The following CARNMT1 variants were observed in gnomAD, a reference collection of about 807,000 sequenced individuals.
The protein encoded by CARNMT1 is carnosine N-methyltransferase 1, also known as protein-L-histidine N-pros-methyltransferase CARNMT1.
CARNMT1 carries 28 observed loss-of-function variants against 49.6 expected under a neutral mutation model. That is an observed-to-expected ratio of 0.56 (90% CI 0.42 to 0.77). The LOEUF (loss-of-function observed/expected upper bound fraction) is 0.77, where lower values mean the gene tolerates loss of function less well. Ranked by LOEUF, CARNMT1 falls within the 30% of genes least tolerant of loss-of-function variation. The pLI, the probability that CARNMT1 is intolerant of heterozygous loss-of-function variation, is 0.00. For missense variants in CARNMT1, 421 were observed against 512.6 expected (o/e 0.82, Z 1.73); for synonymous variants, 178 against 175.0 (o/e 1.02, Z -0.13).
At chr9:75,023,892 TGAAGGAG>T (rs1178460979) in intron 1 of CARNMT1, among the ~76,000 whole-genome samples, 1 of 152,226 alleles carries the variant, frequency 6.6e-6, no homozygotes, top group Non-Finnish European at 1.5e-5. Flanking sequence ...AAACCTGCTT[TGAAGGAG>T]TATTTTACAA....
chr9:75,002,860 C>T (rs1174951908), intron 3 of CARNMT1, among the ~76,000 whole-genome samples: 1 of 152,088 alleles, frequency 6.6e-6, no homozygotes, highest in Non-Finnish European at 1.5e-5. Flanking sequence ...CCTGCCTCAG[C>T]CTCCCAAGTG....
rs1227422397 is a variant in CARNMT1 at position 74,982,792 on chromosome 9, G to A, written c.*975C>T. 2.0e-5 allele frequency: 3 copies of A among 151,906 alleles called. No homozygotes were observed. Among genetic ancestry groups the A allele is most frequent in the Non-Finnish European group, 4.4e-5 (3 of 67,986 alleles). The allele number at this position is 151,906 out of a possible 1,614,324, so 9.4% of individuals were successfully genotyped here. ...TCTGAAAATCACATATTTCAAATGG[G>A]TAAATTTTATTCTTATTTTCTCTGT... On this transcript the variant is annotated 3_prime_UTR_variant, in exon 8 of 8. Transcript: ENST00000376834.
At chr9:74,995,797 T>A (rs557383333) in intron 6 of CARNMT1, among the ~76,000 whole-genome samples, 5 of 152,192 alleles carry the variant, frequency 3.3e-5, no homozygotes, top group Admixed American at 2.6e-4. Context: ...CACGAAAGAA[T>A]ACATGTATAT....
chr9:75,016,369 T>A lies in CARNMT1; in HGVS notation c.489A>T (p.Lys163Asn). The change falls in exon 3 of 8, where the codon AAA (lysine) becomes AAT (asparagine). Residue 163 changes from lysine to asparagine, a missense_variant. By Grantham distance (94) the Lys-to-Asn change is moderately conservative. Transcript: ENST00000376834. ...TTTCACTCCAGTCTCTCACAAACTG[T>A]TTCAGCGTGGATTTTAACTTATCCA... is the stretch of plus-strand genomic sequence containing the variant. Reference protein sequence around the residue: ...FDMDKLKSTLKQFVRDWSETG... With the variant: ...FDMDKLKSTLNQFVRDWSETG... 6.2e-7 allele frequency: 1 copy of A among 1,614,060 alleles called. No homozygotes were observed. Among genetic ancestry groups the A allele is most frequent in the Non-Finnish European group, 8.5e-7 (1 of 1,179,960 alleles).
intron 2 of CARNMT1, chr9:75,016,887 A>G (rs1833872685): frequency 3.3e-6 from 1 of 306,478 alleles, no homozygotes; most frequent in Non-Finnish European, 5.9e-6. Flanking sequence ...TTCTTACAAT[A>G]AAAGATGAAC....
At chr9:74,996,698 C>G (rs556959201) in intron 5 of CARNMT1, 138 bp from the exon 6 acceptor site, 223 of 554,452 alleles carry the variant, frequency 4.0e-4, no homozygotes, top group Non-Finnish European at 6.2e-4. Context: ...TTCTGATCAA[C>G]ATTATAATTA....
At chr9:74,993,768 C>A (rs1335941072) in intron 6 of CARNMT1, among the ~76,000 whole-genome samples, 1 of 152,098 alleles carries the variant, frequency 6.6e-6, no homozygotes, top group Admixed American at 6.5e-5. Context: ...ACAGGTCAGA[C>A]CCCCACTTCC....
intron 6 of CARNMT1, among the ~76,000 whole-genome samples, chr9:74,988,557 G>A (rs931397625): frequency 6.6e-6 from 1 of 152,116 alleles, no homozygotes; most frequent in Admixed American, 6.5e-5. Flanking sequence ...TTCTTGCTGA[G>A]TATGTCTGTC....
At chr9:75,014,848 A>G (rs535126620) in intron 3 of CARNMT1, among the ~76,000 whole-genome samples, 3 of 151,956 alleles carry the variant, frequency 2.0e-5, no homozygotes, top group Non-Finnish European at 4.4e-5. Flanking sequence ...AATAATAAAT[A>G]AATAAATAAT....
At chr9:74,989,351 GT>G (rs1197123132) in intron 6 of CARNMT1, among the ~76,000 whole-genome samples, 2 of 152,124 alleles carry the variant, frequency 1.3e-5, no homozygotes, top group African/African-American at 4.8e-5. Context: ...CTGGCCTCAA[GT>G]GATCTGCCTG....
chr9:74,983,671 G>T lies in CARNMT1; in HGVS notation c.*96C>A. The stretch of plus-strand genomic sequence containing the variant: ...GAATAAGAAGGCACCACTGATTTGA[G>T]GTTGTGTCCTGTCATCACTGATAGT... On this transcript the variant is annotated 3_prime_UTR_variant, in exon 8 of 8. Transcript: ENST00000376834. 1.5e-6 allele frequency: 1 copy of T among 648,352 alleles called. No individual in the cohort carries two copies. The highest frequency in any genetic ancestry group is 2.7e-6 in the Non-Finnish European group (1 of 371,968). The allele number at this position is 648,352 out of a possible 1,614,324, so 40.2% of individuals were successfully genotyped here. A position where few individuals can be genotyped will look rare whatever the true frequency, so the allele number is the denominator to read the frequency against.
chr9:75,001,811 T>G (rs1298926257), intron 3 of CARNMT1, among the ~76,000 whole-genome samples: 2 of 152,216 alleles, frequency 1.3e-5, no homozygotes, highest in African/African-American at 4.8e-5. Flanking sequence ...TGAATCCGTA[T>G]GAAGTCTAGG....
chr9:75,004,611 T>C (rs1323465937), intron 3 of CARNMT1, among the ~76,000 whole-genome samples: 1 of 152,244 alleles, frequency 6.6e-6, no homozygotes, highest in Non-Finnish European at 1.5e-5. Context: ...TCCTCCATTT[T>C]CTTTTTAAAA....
At chr9:75,014,334 TG>T (rs1394239574) in intron 3 of CARNMT1, among the ~76,000 whole-genome samples, 1 of 152,156 alleles carries the variant, frequency 6.6e-6, no homozygotes, top group African/African-American at 2.4e-5. Context: ...GTAAACGTAT[TG>T]ATGTTGTTGG....
At chr9:75,000,344 T>A (rs544467546) in intron 3 of CARNMT1, among the ~76,000 whole-genome samples, 5 of 152,308 alleles carry the variant, frequency 3.3e-5, no homozygotes, top group Non-Finnish European at 7.4e-5. Context: ...ATGTGTCAGG[T>A]ATATCTCTAA....
chr9:74,989,423 A>C (rs1383966644), intron 6 of CARNMT1, among the ~76,000 whole-genome samples: 4 of 152,138 alleles, frequency 2.6e-5, no homozygotes, highest in Admixed American at 1.3e-4. Flanking sequence ...TTTTTTTATT[A>C]TTAAAATAAC....
intron 3 of CARNMT1, chr9:75,015,820 TA>T (rs200973336): frequency 0.058 from 8,571 of 147,510 alleles, 275 homozygotes; most frequent in Middle Eastern, 0.094. Context: ...ATAAATAAAA[TA>T]AAAAAAAAAT....
intron 6 of CARNMT1, among the ~76,000 whole-genome samples, chr9:74,985,899 G>C (rs1832823341): frequency 6.6e-6 from 1 of 152,154 alleles, no homozygotes; most frequent in African/African-American, 2.4e-5. Context: ...ACTTTAATGT[G>C]AGATAATATG....
At chr9:75,020,432 T>G (rs897853945) in intron 1 of CARNMT1, among the ~76,000 whole-genome samples, 2 of 151,888 alleles carry the variant, frequency 1.3e-5, no homozygotes, top group African/African-American at 4.8e-5. Context: ...CATGCCCAGC[T>G]GATTTTTGTA....
Sources: gnomAD v4.1 joint callset for allele counts (sites outside exome capture counted in the v4.1 genomes callset) on GRCh38, gnomAD v4.1.1 for gene constraint, MANE v1.5 for transcripts, NCBI Gene and HGNC (gene_info 2026-07-23, HGNC 2026-07-21) for gene names.